Variants in PCDHA2 observed in about 807,000 individuals in gnomAD.
PCDHA2 encodes the protein protocadherin alpha-2.
Under a neutral mutation model 66.0 loss-of-function variants are expected in PCDHA2, and 58 were observed. That is an observed-to-expected ratio of 0.88 (90% confidence interval 0.71 to 1.09). The LOEUF is 1.09. Ranked by LOEUF, PCDHA2 falls within the 50% of genes least tolerant of loss-of-function variation. The pLI is 0.00. For synonymous variants in PCDHA2, 634 were observed against 554.0 expected (o/e 1.14, Z -2.03); for missense variants, 1,267 against 1,242.3 (o/e 1.02, Z -0.30).
chr5:141,009,809 G>T lies in PCDHA2; in HGVS notation c.2719G>T (p.Asp907Tyr), dbSNP rs782057926. The T allele has an allele frequency of 6.2e-7, 1 of 1,613,834 alleles. No homozygotes were observed. Among genetic ancestry groups the T allele is most frequent in the Non-Finnish European group, 8.5e-7 (1 of 1,180,010 alleles). ...GCAGGAGCCTACTAACAGCCAAATT[G>T]ACAAAAGTGACTTCATAACCTTCGG... ...IRQEPTNSQI[D>Y]KSDFITFGKK... The change falls in exon 4 of 4, where the codon GAC becomes TAC. Residue 907 changes from aspartate to tyrosine, a missense_variant. Physicochemically the swap from Asp to Tyr is radical, Grantham distance 160 (BLOSUM62 -3). Coordinates refer to ENST00000526136, the MANE Select transcript of PCDHA2 (RefSeq NM_018905.3).
intron 1 of PCDHA2, chr5:140,807,531 A>G: frequency 1.2e-6 from 2 of 1,614,140 alleles, no homozygotes; most frequent in Non-Finnish European, 1.7e-6. Context: ...AGGCCGCTGC[A>G]GGTTTTCCAT....
chr5:140,870,514 T>C lies in PCDHA2; in HGVS notation c.2388+73162T>C, dbSNP rs1554164347. ...CGTGAAGGAGAACAACCCACCAGGC[T>C]GCCACATCTTCACAGTGTCGGCGCG... On this transcript the variant is annotated intron_variant, in intron 1 of 3. Transcript: ENST00000526136. The C allele has an allele frequency of 3.7e-6, 6 of 1,614,224 alleles. No homozygotes were observed. In the East Asian group the frequency reaches 1.3e-4, roughly 36 times the overall value.
chr5:140,828,662 C>A (rs1769875553), intron 1 of PCDHA2: 1 of 1,614,006 alleles, frequency 6.2e-7, no homozygotes, highest in African/African-American at 1.3e-5. Context: ...TGACAATAAA[C>A]AAATTGGGCT....
rs1768129627 is a variant in PCDHA2, at chr5:140,824,465, T to C, written c.2388+27113T>C. 3 of 423,268 alleles carry C rather than the reference T, an allele frequency of 7.1e-6. No homozygotes were observed. In the South Asian group the frequency reaches 1.0e-4, roughly 14 times the overall value. The allele number at this position is 423,268 out of a possible 1,614,324, so 26.2% of individuals were successfully genotyped here. A position where few individuals can be genotyped will look rare whatever the true frequency, so the allele number is the denominator to read the frequency against. ...TATGACTACATGAAAATTTATTTTA[T>C]TTTATTGTTATTTTTTAGAGACCCT... On this transcript the variant is annotated intron_variant, in intron 1 of 3. Transcript: ENST00000526136.
rs782527674 is a variant in PCDHA2 at position 140,876,124 on chromosome 5, G to A, written c.2388+78772G>A. 162 of 1,613,780 alleles carry A rather than the reference G, an allele frequency of 1.0e-4. No individual in the cohort carries two copies. The highest frequency in any genetic ancestry group is 1.3e-4 in the Non-Finnish European group (152 of 1,179,892). ...TTTATTGCTGATGGTAATCGATGGC[G>A]GTAAACCAGAACTAACAGGGTCTGT... On this transcript the variant is annotated intron_variant, in intron 1 of 3. Coordinates refer to ENST00000526136, the MANE Select transcript of PCDHA2 (RefSeq NM_018905.3).
At position 140,858,437 on chromosome 5, in the gene PCDHA2, G is replaced by T. The variant is rs1343643925; in HGVS notation, c.2388+61085G>T. The T allele has an allele frequency of 4.5e-6, 7 of 1,541,950 alleles. 1 individual carries two copies. In the Admixed American group the frequency reaches 1.4e-4, roughly 30 times the overall value. Reference sequence around the variant, plus strand: ...TATTGGAGGGGACCACTCTAGGAAGGTGGGTTATTACGTTTTCATTTTCCT... The same window carrying T: ...TATTGGAGGGGACCACTCTAGGAAGTTGGGTTATTACGTTTTCATTTTCCT... On this transcript the variant is annotated intron_variant, in intron 1 of 3. Coordinates refer to ENST00000526136, the MANE Select transcript of PCDHA2 (RefSeq NM_018905.3).
chr5:140,999,015 C>G (rs2097843117), intron 3 of PCDHA2, among the ~76,000 whole-genome samples: 1 of 152,280 alleles, frequency 6.6e-6, no homozygotes, highest in East Asian at 1.9e-4. Context: ...GATTTGAACC[C>G]AAGACTTTTG....
chr5:140,877,797 C>T, intron 1 of PCDHA2: 1 of 1,613,630 alleles, frequency 6.2e-7, no homozygotes. Flanking sequence ...TCAGCCCAAG[C>T]CTTCAGCTGT....
Position 140,876,798 on chromosome 5 carries a change from C to G in PCDHA2, c.2388+79446C>G, listed in dbSNP as rs199586239. 1.6e-4 allele frequency: 252 copies of G among 1,614,180 alleles called. 4 individuals are homozygous for G. The East Asian group carries it at 3.4e-3, about 22-fold the overall frequency. ...CGCTGTGGGCCACGGCTAGAGTGTC[C>G]GTGGAGGTGGCCGACGTGAACGACA... On this transcript the variant is annotated intron_variant, in intron 1 of 3. Coordinates refer to ENST00000526136, the MANE Select transcript of PCDHA2 (RefSeq NM_018905.3).
chr5:140,933,629 C>G (rs958764636), intron 1 of PCDHA2, among the ~76,000 whole-genome samples: 1 of 151,846 alleles, frequency 6.6e-6, no homozygotes, highest in Non-Finnish European at 1.5e-5. Context: ...TTAGGCTGGC[C>G]CTGTTAAACA....
chr5:140,895,500 G>A (rs1554186539), intron 1 of PCDHA2, among the ~76,000 whole-genome samples: 2 of 152,046 alleles, frequency 1.3e-5, no homozygotes, highest in African/African-American at 2.4e-5. Context: ...CAGAACTTTT[G>A]CCCAATTTTT....
At chr5:140,910,985 A>G (rs1554194529) in intron 1 of PCDHA2, among the ~76,000 whole-genome samples, 1 of 151,754 alleles carries the variant, frequency 6.6e-6, no homozygotes, top group Non-Finnish European at 1.5e-5. Flanking sequence ...TATACTCTGA[A>G]CCTCACCCCT....
At chr5:140,822,420 TGGA>T (rs1767306523) in intron 1 of PCDHA2, 1 of 1,613,970 alleles carries the variant, frequency 6.2e-7, no homozygotes, top group Non-Finnish European at 8.5e-7. Context: ...TTGCAACTGA[TGGA>T]GGAAAACCCG....
intron 1 of PCDHA2, chr5:140,807,915 A>G (rs1764063263): frequency 6.2e-7 from 1 of 1,614,012 alleles, no homozygotes; most frequent in Non-Finnish European, 8.5e-7. Context: ...CCAGCTTTTG[A>G]CAGAACCATT....
intron 1 of PCDHA2, chr5:140,870,676 G>C (rs561705674): frequency 1.9e-6 from 3 of 1,612,584 alleles, no homozygotes; most frequent in Non-Finnish European, 2.5e-6. Flanking sequence ...GTTGGACCAC[G>C]AGGAGCTGGA....
intron 1 of PCDHA2, chr5:140,883,969 G>T (rs1398092888): frequency 5.6e-6 from 9 of 1,612,844 alleles, no homozygotes; most frequent in Non-Finnish European, 7.6e-6. Flanking sequence ...CGCTGCTGAC[G>T]CCCGGGGCTG....
chr5:140,927,921 G>A, intron 1 of PCDHA2: 2 of 1,614,194 alleles, frequency 1.2e-6, no homozygotes, highest in South Asian at 1.1e-5. Context: ...TGGACTTCCT[G>A]ACTCTTTCGA....
At chr5:140,892,242 C>A (rs1554185127) in intron 1 of PCDHA2, among the ~76,000 whole-genome samples, 3 of 152,034 alleles carry the variant, frequency 2.0e-5, no homozygotes, top group Non-Finnish European at 4.4e-5. Context: ...TCCACATAAA[C>A]CTGGTTATCT....
At chr5:140,897,356 CCA>C (rs2066046729) in intron 1 of PCDHA2, among the ~76,000 whole-genome samples, 1 of 134,770 alleles carries the variant, frequency 7.4e-6, no homozygotes, top group South Asian at 2.4e-4. Context: ...ACAACTGTCC[CCA>C]GAGTGTGATG....
Sources: allele counts gnomAD v4.1 joint callset (sites outside exome capture counted in the v4.1 genomes callset), GRCh38; gene constraint gnomAD v4.1.1; transcripts MANE v1.5; gene names NCBI Gene and HGNC (gene_info 2026-07-23, HGNC 2026-07-21).